FBXO42: variants seen among roughly 807,000 people sequenced by gnomAD.
FBXO42 encodes F-box protein 42.
In FBXO42, 12 loss-of-function variants were observed where a neutral mutation model predicts 71.7. The observed-to-expected ratio is 0.17, with a 90% CI of 0.11 to 0.27. The LOEUF (loss-of-function observed/expected upper bound fraction) is 0.27. Among genes scored for constraint, FBXO42 ranks in the 10% least tolerant of loss-of-function variants. The probability of loss-of-function intolerance (pLI) is 1.00; values close to 1 mark genes in which losing one functional copy is unlikely to be tolerated. For missense variants in FBXO42, 707 were observed against 911.9 expected, an observed-to-expected ratio of 0.78 and a Z score of 2.89; for synonymous variants, 325 against 327.5, an observed-to-expected ratio of 0.99 and a Z score of 0.08.
intron 4 of FBXO42, among the ~76,000 whole-genome samples, chr1:16,273,770 T>G (rs184038568): frequency 6.6e-6 from 1 of 152,024 alleles, no homozygotes; most frequent in African/African-American, 2.4e-5. Flanking sequence ...TCCCAGCTAC[T>G]TGGGAGGCTG....
chr1:16,267,895 G>T (rs1324966389), intron 4 of FBXO42, among the ~76,000 whole-genome samples: 1 of 152,158 alleles, frequency 6.6e-6, no homozygotes, highest in Non-Finnish European at 1.5e-5. Context: ...CCACAGGCAT[G>T]AACTAAAGGA....
chr1:16,344,215 CT>C (rs1394070222), intron 1 of FBXO42, among the ~76,000 whole-genome samples: 1 of 151,602 alleles, frequency 6.6e-6, no homozygotes, highest in Non-Finnish European at 1.5e-5. Flanking sequence ...TCAGGCTGGT[CT>C]CGAACTCCTG....
At chr1:16,312,495 G>A (rs952724562) in intron 2 of FBXO42, among the ~76,000 whole-genome samples, 1 of 152,190 alleles carries the variant, frequency 6.6e-6, no homozygotes, top group African/African-American at 2.4e-5. Flanking sequence ...AAAAAAATCA[G>A]TGATTGCCAG....
intron 1 of FBXO42, among the ~76,000 whole-genome samples, chr1:16,350,749 A>AGAAAGAAAGAAAG (rs148379808): frequency 6.2e-5 from 3 of 48,096 alleles, no homozygotes; most frequent in Admixed American, 3.0e-4. Context: ...ACTGCAAAAA[A>AGAAAGAAAGAAAG]AAAAAAAAAA....
At position 16,253,694 on chromosome 1, in the gene FBXO42, C is replaced by G; in HGVS notation, c.805G>C (p.Ala269Pro). The G allele has an allele frequency of 6.2e-7, 1 of 1,614,194 alleles. No homozygotes were observed. Reference sequence around the variant, plus strand: ...CCAGAGATGTTCGGCTTGGACCACGCCCACTGCTCAAGGTCAAGGACCCAG... The same window carrying G: ...CCAGAGATGTTCGGCTTGGACCACGGCCACTGCTCAAGGTCAAGGACCCAG... ...DVWVLDLEQW[A>P]WSKPNISGPS... Residue 269 changes from alanine (A) to proline (P), a missense_variant, in exon 7 of 10, where the codon GCG becomes CCG. By Grantham distance (27) the Ala-to-Pro change is conservative (BLOSUM62 -1). Coordinates refer to ENST00000375592, the MANE Select transcript of FBXO42 (RefSeq NM_018994.3).
chr1:16,274,778 G>C (rs1226543083), intron 4 of FBXO42, among the ~76,000 whole-genome samples: 1 of 151,340 alleles, frequency 6.6e-6, no homozygotes, highest in Non-Finnish European at 1.5e-5. Flanking sequence ...TTTCAGTAGA[G>C]ACAGGGTTTC....
chr1:16,296,136 C>A (rs1052998853), intron 3 of FBXO42, among the ~76,000 whole-genome samples: 1 of 152,208 alleles, frequency 6.6e-6, no homozygotes, highest in Non-Finnish European at 1.5e-5. Flanking sequence ...CCCTTGCGGT[C>A]TCTATCCTTT....
At chr1:16,279,844 T>TTTTTTTTTC (rs2081942236) in intron 4 of FBXO42, among the ~76,000 whole-genome samples, 2 of 86,564 alleles carry the variant, frequency 2.3e-5, no homozygotes, top group Non-Finnish European at 5.2e-5. Flanking sequence ...TTGACAATGG[T>TTTTTTTTTC]TTTTTTTTTC....
rs766506643 is a variant in FBXO42 at position 16,315,188 on chromosome 1, C to T, written c.231G>A (p.Gln77=). The change falls in exon 2 of 10, where the codon CAG becomes CAA. Residue 77 remains glutamine (Q), a synonymous_variant. Coordinates refer to ENST00000375592, the MANE Select transcript of FBXO42 (RefSeq NM_018994.3). ...CAGTACCTTTGATAAGTCGATACCA[C>T]TGTTTGCAGACAAGGGCCGCAGTTT... is the stretch of plus-strand genomic sequence containing the variant. ...EHKTAALVCK[Q]WYRLIKGVAH... 6.2e-7 allele frequency: 1 copy of T among 1,613,692 alleles called. No individual in the cohort carries two copies.
intron 1 of FBXO42, among the ~76,000 whole-genome samples, chr1:16,347,042 G>A (rs1191387686): frequency 6.6e-6 from 1 of 151,692 alleles, no homozygotes; most frequent in Non-Finnish European, 1.5e-5. Flanking sequence ...ACCGCACCCG[G>A]CCTGTCAGAA....
At chr1:16,274,596 T>G (rs2081879914) in intron 4 of FBXO42, among the ~76,000 whole-genome samples, 1 of 111,522 alleles carries the variant, frequency 9.0e-6, no homozygotes, top group South Asian at 3.6e-4. Context: ...CCGTTTTTTT[T>G]TTTTTTTTTT....
chr1:16,311,342 G>T (rs2082310111), intron 2 of FBXO42, among the ~76,000 whole-genome samples: 1 of 150,464 alleles, frequency 6.6e-6, no homozygotes, highest in Non-Finnish European at 1.5e-5. Flanking sequence ...ACAAAAATTA[G>T]CTGGGTGTGG....
chr1:16,322,078 A>T (rs1306504285), intron 1 of FBXO42, among the ~76,000 whole-genome samples: 1 of 152,136 alleles, frequency 6.6e-6, no homozygotes, highest in Non-Finnish European at 1.5e-5. Flanking sequence ...ATGTAAAAAA[A>T]ATTACATCAT....
intron 4 of FBXO42, among the ~76,000 whole-genome samples, chr1:16,273,812 G>A (rs950115141): frequency 2.0e-5 from 3 of 152,040 alleles, no homozygotes; most frequent in Non-Finnish European, 4.4e-5. Context: ...CCAAGAGGTA[G>A]AGGCTGCAGT....
intron 3 of FBXO42, among the ~76,000 whole-genome samples, chr1:16,297,428 AC>A (rs1335655848): frequency 6.6e-6 from 1 of 152,212 alleles, no homozygotes; most frequent in East Asian, 1.9e-4. Context: ...GACCTCTGAC[AC>A]TGTGGAATAA....
chr1:16,256,854 C>A, intron 4 of FBXO42, 95 bp from the exon 5 acceptor site: 2 of 1,318,812 alleles, frequency 1.5e-6, no homozygotes, highest in Non-Finnish European at 2.1e-6. Flanking sequence ...GGAAGAGCAA[C>A]AAAAGGGGAA....
intron 4 of FBXO42, among the ~76,000 whole-genome samples, chr1:16,257,109 G>GAA (rs1428676124): frequency 2.1e-4 from 32 of 152,088 alleles, no homozygotes; most frequent in Non-Finnish European, 2.9e-4. Context: ...CTGGCACATA[G>GAA]AAAGTGCTCA....
intron 1 of FBXO42, among the ~76,000 whole-genome samples, chr1:16,332,917 A>G (rs1471706908): frequency 6.6e-6 from 1 of 152,170 alleles, no homozygotes; most frequent in Non-Finnish European, 1.5e-5. Context: ...GAATTTAACA[A>G]TGAGAAGAGT....
intron 4 of FBXO42, among the ~76,000 whole-genome samples, chr1:16,263,223 G>A (rs2081733492): frequency 6.6e-6 from 1 of 151,420 alleles, no homozygotes; most frequent in Middle Eastern, 3.3e-3. Flanking sequence ...AGCACTTTGG[G>A]AGGCTGAGGC....
Sources: allele counts gnomAD v4.1 joint callset (sites outside exome capture counted in the v4.1 genomes callset), GRCh38; gene constraint gnomAD v4.1.1; transcripts MANE v1.5; gene names NCBI Gene and HGNC (gene_info 2026-07-23, HGNC 2026-07-21).